FBXO15: variants seen among roughly 807,000 people sequenced by gnomAD.
FBXO15 encodes the protein F-box only protein 15.
Under a neutral mutation model 49.5 loss-of-function variants are expected in FBXO15, and 30 were observed. The observed-to-expected ratio is 0.61, with a 90% CI of 0.45 to 0.82. The LOEUF (loss-of-function observed/expected upper bound fraction) is 0.82, where lower values mean the gene tolerates loss of function less well. FBXO15 is among the 40% of genes least tolerant of loss of function. The pLI is 0.00. For missense variants in FBXO15, 591 were observed against 631.5 expected (o/e 0.94, Z 0.69); for synonymous variants, 250 against 232.7 (o/e 1.07, Z -0.68).
intron 1 of FBXO15, 127 bp from the exon 2 acceptor site, chr18:74,140,439 C>A: frequency 5.6e-5 from 43 of 770,476 alleles, no homozygotes; most frequent in South Asian, 2.1e-4. Flanking sequence ...TTAATTTCTG[C>A]AAAGAAAAAA....
chr18:74,125,258 G>A (rs1229098046), intron 6 of FBXO15, among the ~76,000 whole-genome samples: 1 of 152,214 alleles, frequency 6.6e-6, no homozygotes, highest in Admixed American at 6.5e-5. Context: ...GAGCAGGCAA[G>A]CTGCGGTCTC....
At chr18:74,130,748 T>A (rs898778616) in intron 3 of FBXO15, 90 bp from the exon 4 acceptor site, 7 of 1,373,598 alleles carry the variant, frequency 5.1e-6, no homozygotes, top group Admixed American at 2.3e-5. Context: ...TATTTTCAAA[T>A]AATCCAATTC....
chr18:74,093,616 GT>G (rs1913151938), intron 8 of FBXO15, among the ~76,000 whole-genome samples: 3 of 152,172 alleles, frequency 2.0e-5, no homozygotes, highest in African/African-American at 7.2e-5. Context: ...ATCCATTCAA[GT>G]TTTATCATGA....
In FBXO15 at chr18:74,116,999, C is replaced by T. The variant is rs148642804; in HGVS notation, c.1138+6369G>A. ...ATTTTATCCTTGATAGGGAGAAAGGCTTTTTTAAAAAATGGGGGCAAAGTG... is the reference window on the plus strand; with the variant it reads ...ATTTTATCCTTGATAGGGAGAAAGGTTTTTTTAAAAAATGGGGGCAAAGTG... On this transcript the variant is annotated intron_variant, in intron 8 of 9. Coordinates refer to ENST00000419743, the MANE Select transcript of FBXO15 (RefSeq NM_001142958.2). Among the ~76,000 whole-genome samples the T allele has an allele frequency of 5.6e-4, 85 of 152,168 alleles. 1 individual carries two copies. Among genetic ancestry groups the T allele is most frequent in the African/African-American group, 1.9e-3 (78 of 41,500 alleles).
At chr18:74,137,581 C>T (rs1440046156) in intron 2 of FBXO15, among the ~76,000 whole-genome samples, 1 of 152,194 alleles carries the variant, frequency 6.6e-6, no homozygotes, top group Non-Finnish European at 1.5e-5. Context: ...AAAATCTCTA[C>T]TTTATAGTTA....
At position 74,144,689 on chromosome 18, in the gene FBXO15, T is replaced by C. The variant is rs1435101988; in HGVS notation, c.116+2981A>G. On this transcript the variant is annotated intron_variant, in intron 1 of 9. Transcript: ENST00000419743. ...GTCCTATCATAAAAATGTATTATATTATTTACCAGTTAAATTATTTAACAT... is the reference window on the plus strand; with the variant it reads ...GTCCTATCATAAAAATGTATTATATCATTTACCAGTTAAATTATTTAACAT... 3.3e-5 allele frequency among the ~76,000 whole-genome samples: 5 copies of C among 152,292 alleles called. No homozygotes were observed. In the East Asian group the frequency reaches 5.8e-4, roughly 18 times the overall value.
chr18:74,128,612 C>A (rs1260107080), intron 5 of FBXO15, among the ~76,000 whole-genome samples: 1 of 152,194 alleles, frequency 6.6e-6, no homozygotes, highest in East Asian at 1.9e-4. Flanking sequence ...TGCAATATAT[C>A]TTATATAAAG....
At chr18:74,106,133 G>A (rs953494347) in intron 8 of FBXO15, among the ~76,000 whole-genome samples, 1 of 151,918 alleles carries the variant, frequency 6.6e-6, no homozygotes, top group Admixed American at 6.5e-5. Context: ...AAGAGGTAAG[G>A]GTACAGGAAT....
intron 1 of FBXO15, among the ~76,000 whole-genome samples, chr18:74,143,254 TTCC>T (rs1431071484): frequency 6.6e-6 from 1 of 152,208 alleles, no homozygotes; most frequent in Non-Finnish European, 1.5e-5. Flanking sequence ...CATTGTTTAT[TTCC>T]TCAATAAGAA....
At chr18:74,105,132 G>C (rs183127951) in intron 8 of FBXO15, among the ~76,000 whole-genome samples, 4 of 152,148 alleles carry the variant, frequency 2.6e-5, no homozygotes, top group African/African-American at 7.2e-5. Flanking sequence ...TGAAGACAGA[G>C]AGTAGACTAG....
intron 1 of FBXO15, among the ~76,000 whole-genome samples, chr18:74,146,004 T>TA (rs2145238607): frequency 6.6e-6 from 1 of 152,382 alleles, no homozygotes; most frequent in Admixed American, 6.5e-5. Flanking sequence ...CATACACTGA[T>TA]ACATTTAGCA....
chr18:74,096,050 G>GC (rs1357449281), intron 8 of FBXO15, among the ~76,000 whole-genome samples: 1 of 152,114 alleles, frequency 6.6e-6, no homozygotes, highest in East Asian at 1.9e-4. Flanking sequence ...AAATTTTCCT[G>GC]CAACTCATGG....
At chr18:74,130,366 A>T (rs1378285203) in intron 4 of FBXO15, 50 bp downstream of exon 4, 1 of 1,607,408 alleles carries the variant, frequency 6.2e-7, no homozygotes, top group Admixed American at 1.7e-5. Flanking sequence ...TCCTACGTAC[A>T]CGATACTTTG....
At position 74,126,050 on chromosome 18, in the gene FBXO15, T is replaced by C. The variant is rs1022254132; in HGVS notation, c.837A>G (p.Ile279Met). 6.8e-6 allele frequency: 11 copies of C among 1,613,938 alleles called. No individual in the cohort carries two copies. Among genetic ancestry groups the C allele is most frequent in the East Asian group, 2.2e-5 (1 of 44,880 alleles). The change falls in exon 6 of 10, where the codon ATA (isoleucine) becomes ATG (methionine). Residue 279 changes from isoleucine (I) to methionine (M), a missense_variant. By Grantham distance (10) the Ile-to-Met change is conservative. Coordinates refer to ENST00000419743, the MANE Select transcript of FBXO15 (RefSeq NM_001142958.2). ...GTCTGTCACAGCCAATCATGGTAGA[T>C]ATGGTCAAATGACTCAGATTGTACT... Reference protein sequence around the residue: ...IAKYNLSHLTISTMIGCDRLI... With the variant: ...IAKYNLSHLTMSTMIGCDRLI...
At chr18:74,126,442 G>T (rs1201988123) in intron 5 of FBXO15, among the ~76,000 whole-genome samples, 1 of 152,180 alleles carries the variant, frequency 6.6e-6, no homozygotes, top group Non-Finnish European at 1.5e-5. Flanking sequence ...ATCTAAAGTA[G>T]ACTCTCAATG....
At chr18:74,085,143 A>G (rs1912684125) in intron 8 of FBXO15, among the ~76,000 whole-genome samples, 1 of 152,154 alleles carries the variant, frequency 6.6e-6, no homozygotes, top group Non-Finnish European at 1.5e-5. Context: ...TAAATAATTA[A>G]TACTTATATA....
intron 8 of FBXO15, among the ~76,000 whole-genome samples, chr18:74,089,255 A>G (rs1301021287): frequency 2.0e-5 from 3 of 152,202 alleles, no homozygotes; most frequent in Non-Finnish European, 4.4e-5. Flanking sequence ...TTGTTGGTGT[A>G]CAGAAATGCT....
intron 8 of FBXO15, among the ~76,000 whole-genome samples, chr18:74,092,917 G>A (rs551066541): frequency 2.0e-5 from 3 of 152,264 alleles, no homozygotes; most frequent in East Asian, 3.9e-4. Flanking sequence ...CACAGGGCTG[G>A]TGGGCCCAGA....
intron 8 of FBXO15, among the ~76,000 whole-genome samples, chr18:74,111,467 T>C (rs867653215): frequency 5.3e-5 from 8 of 152,020 alleles, no homozygotes; most frequent in South Asian, 2.1e-4. Context: ...AGAAAAAATT[T>C]AAAATGTTTT....
Sources: allele counts gnomAD v4.1 joint callset (sites outside exome capture counted in the v4.1 genomes callset), GRCh38; gene constraint gnomAD v4.1.1; transcripts MANE v1.5; gene names NCBI Gene and HGNC (gene_info 2026-07-23, HGNC 2026-07-21).